MFF: variants seen among roughly 807,000 people sequenced by gnomAD.
MFF encodes mitochondrial fission factor, also known as chromosome 2 open reading frame 33.
Under a neutral mutation model 36.9 loss-of-function variants are expected in MFF, and 12 were observed. The ratio of observed to expected loss-of-function variants is 0.33; its 90% CI spans 0.21 to 0.53. MFF has a LOEUF of 0.53. Ranked by LOEUF, MFF falls within the 20% of genes least tolerant of loss-of-function variation. MFF has a pLI of 0.95. For missense variants in MFF, 348 were observed against 366.6 expected (o/e 0.95, Z 0.42); for synonymous variants, 99 against 126.2 (o/e 0.78, Z 1.44).
intron 4 of MFF, among the ~76,000 whole-genome samples, chr2:227,336,725 C>A (rs2075034892): frequency 6.6e-6 from 1 of 152,164 alleles, no homozygotes. Context: ...ACTTAGAAAG[C>A]AGCAGCCTTA....
chr2:227,337,373 C>T (rs1157356135), intron 4 of MFF, among the ~76,000 whole-genome samples: 1 of 152,200 alleles, frequency 6.6e-6, no homozygotes, highest in Non-Finnish European at 1.5e-5. Context: ...ATAATTTGTA[C>T]CTTTCCCCCT....
At chr2:227,342,972 C>A (rs1408979018) in intron 5 of MFF, among the ~76,000 whole-genome samples, 1 of 151,664 alleles carries the variant, frequency 6.6e-6, no homozygotes, top group African/African-American at 2.4e-5. Context: ...ATTTCTCAAA[C>A]TGTCATTATA....
Position 227,352,560 on chromosome 2 carries a change from CA to C in MFF, c.647del (p.His216LeufsTer11). ...TGCTGCCGCCACTTCTAATCCTCATCATGACAACGTCAGGTAAATTTTGAGA... is the reference window on the plus strand; with the variant it reads ...TGCTGCCGCCACTTCTAATCCTCATCTGACAACGTCAGGTAAATTTTGAGA... ...GSAAATSNPH[H>X]DNVRYGISNI... On this transcript the variant is annotated frameshift_variant, in exon 7 of 9. Transcript: ENST00000304593. LOFTEE classifies it high-confidence loss of function. 1 of 1,613,694 alleles carries C rather than the reference CA, an allele frequency of 6.2e-7. No individual in the cohort carries two copies. The highest frequency in any genetic ancestry group is 8.5e-7 in the Non-Finnish European group (1 of 1,179,714).
chr2:227,336,697 A>T (rs146499050), intron 4 of MFF, among the ~76,000 whole-genome samples: 31 of 152,284 alleles, frequency 2.0e-4, no homozygotes, highest in African/African-American at 7.2e-4. Flanking sequence ...AGCTAGATCC[A>T]CCCTTAACAC....
intron 4 of MFF, among the ~76,000 whole-genome samples, chr2:227,333,669 A>G (rs1320695562): frequency 6.6e-6 from 1 of 152,222 alleles, no homozygotes; most frequent in African/African-American, 2.4e-5. Flanking sequence ...GCAGAAAATA[A>G]TGAAAGTTAC....
At chr2:227,339,707 A>G (rs560408113) in intron 4 of MFF, among the ~76,000 whole-genome samples, 3 of 152,330 alleles carry the variant, frequency 2.0e-5, no homozygotes, top group Admixed American at 1.3e-4. Context: ...TCTGAATTTC[A>G]GGGGAAAGAA....
intron 5 of MFF, among the ~76,000 whole-genome samples, chr2:227,342,005 T>G (rs1363534134): frequency 6.6e-6 from 1 of 152,256 alleles, no homozygotes; most frequent in East Asian, 1.9e-4. Flanking sequence ...GTAGATGATA[T>G]AGATGTTTTT....
chr2:227,339,639 C>G (rs2075275645), intron 4 of MFF, among the ~76,000 whole-genome samples: 1 of 152,216 alleles, frequency 6.6e-6, no homozygotes, highest in South Asian at 2.1e-4. Flanking sequence ...AGAAGCTGTA[C>G]TGTTATGACC....
chr2:227,326,217 A>G (rs1183143667), intron 1 of MFF, among the ~76,000 whole-genome samples: 2 of 150,924 alleles, frequency 1.3e-5, no homozygotes, highest in Admixed American at 1.3e-4. Flanking sequence ...ATTGGAGAAC[A>G]TTAAAGGGGA....
At chr2:227,347,816 G>A (rs1251438679) in intron 6 of MFF, among the ~76,000 whole-genome samples, 4 of 152,192 alleles carry the variant, frequency 2.6e-5, no homozygotes, top group Non-Finnish European at 5.9e-5. Context: ...CAGCGCAGCT[G>A]CCAGGACACT....
chr2:227,329,783 G>T, intron 2 of MFF: 1 of 1,579,362 alleles, frequency 6.3e-7, no homozygotes, highest in South Asian at 1.1e-5. Flanking sequence ...TCACTAGGAA[G>T]GTCAGTGAAA....
chr2:227,337,597 A>G (rs2106381725), intron 4 of MFF, among the ~76,000 whole-genome samples: 1 of 152,320 alleles, frequency 6.6e-6, no homozygotes, highest in East Asian at 1.9e-4. Context: ...CAAGCATGCA[A>G]AGTGTCTAGT....
intron 1 of MFF, among the ~76,000 whole-genome samples, chr2:227,325,933 T>G (rs750476601): frequency 6.6e-6 from 1 of 151,996 alleles, no homozygotes; most frequent in Non-Finnish European, 1.5e-5. Context: ...GAAGCCCAGG[T>G]TGTGGCATCG....
rs191608569 is a variant in MFF at position 227,355,735 on chromosome 2, G to A, written c.718G>A (p.Val240Ile). Residue 240 changes from valine (V) to isoleucine (I), a missense_variant, in exon 8 of 9, where the codon GTA (valine) becomes ATA (isoleucine). Physicochemically the swap from Val to Ile is conservative, Grantham distance 29 (BLOSUM62 3). Coordinates refer to ENST00000304593, the MANE Select transcript of MFF (RefSeq NM_001277062.2). Reference protein sequence around the residue: ...IEGTSDDLTVVDAASLRRQII... With the variant: ...IEGTSDDLTVIDAASLRRQII... The stretch of plus-strand genomic sequence containing the variant: ...AGGAACGTCAGATGACCTGACTGTT[G>A]TAGATGCAGCTTCACTAAGACGACA... The A allele has an allele frequency of 3.7e-6, 6 of 1,610,812 alleles. No individual in the cohort carries two copies. In the East Asian group the frequency reaches 8.9e-5, roughly 24 times the overall value.
At chr2:227,342,830 A>G in intron 5 of MFF, 1 of 1,610,028 alleles carries the variant, frequency 6.2e-7, no homozygotes, top group Middle Eastern at 1.7e-4. Flanking sequence ...GTAAGATTTT[A>G]TCTGCTCTGC....
chr2:227,329,745 A>G, intron 2 of MFF: 1 of 1,567,342 alleles, frequency 6.4e-7, no homozygotes, highest in Non-Finnish European at 8.8e-7. Context: ...ACTGTATTTA[A>G]ATGAGTAAAG....
intron 2 of MFF, chr2:227,329,922 T>A: frequency 5.3e-6 from 2 of 379,278 alleles, no homozygotes; most frequent in Non-Finnish European, 4.5e-6. Flanking sequence ...TTCTACTGCA[T>A]TAAAAAAAAA....
chr2:227,335,181 A>AG (rs2074901186), intron 4 of MFF, among the ~76,000 whole-genome samples: 1 of 151,728 alleles, frequency 6.6e-6, no homozygotes. Context: ...CAAAAAAAAA[A>AG]AAAAAAGGTA....
At chr2:227,331,998 G>A (rs1380156151) in intron 3 of MFF, among the ~76,000 whole-genome samples, 3 of 108,962 alleles carry the variant, frequency 2.8e-5, no homozygotes, top group African/African-American at 8.1e-5. Flanking sequence ...TTGAGACGGA[G>A]TCTCGCTCTG....
Sources: allele counts gnomAD v4.1 joint callset (sites outside exome capture counted in the v4.1 genomes callset), GRCh38; gene constraint gnomAD v4.1.1; transcripts MANE v1.5; gene names NCBI Gene and HGNC (gene_info 2026-07-23, HGNC 2026-07-21).